Variants in RALGPS1 observed in about 807,000 individuals in gnomAD.
The protein encoded by RALGPS1 is ras-specific guanine nucleotide-releasing factor RalGPS1.
RALGPS1 carries 19 observed loss-of-function variants against 78.8 expected under a neutral mutation model. The observed-to-expected ratio is 0.24, with a 90% CI of 0.17 to 0.35. The LOEUF (loss-of-function observed/expected upper bound fraction) is 0.35. Ranked by LOEUF, RALGPS1 falls within the 10% of genes least tolerant of loss-of-function variation. The pLI is 1.00. For synonymous variants in RALGPS1, 228 were observed against 256.3 expected (o/e 0.89, Z 1.06); for missense variants, 454 against 688.3 (o/e 0.66, Z 3.81).
chr9:127,024,867 C>T (rs954371271), intron 4 of RALGPS1, among the ~76,000 whole-genome samples: 1 of 152,128 alleles, frequency 6.6e-6, no homozygotes, highest in East Asian at 1.9e-4. Flanking sequence ...TTTATAGGAC[C>T]TTCCTTTGCA....
At position 127,214,744 on chromosome 9, in the gene RALGPS1, C is replaced by T; in HGVS notation, c.1553-7C>T. 1 of 1,604,430 alleles carries T rather than the reference C, an allele frequency of 6.2e-7. No homozygotes were observed. ...TCTTCTTAACTCATGGTTTCTCTAC[C>T]CATCAGGCAATGTTTACAAGTTTCA... On this transcript the variant is annotated splice_region_variant and splice_polypyrimidine_tract_variant and intron_variant, in intron 17 of 18. Transcript: ENST00000259351.
intron 8 of RALGPS1, among the ~76,000 whole-genome samples, chr9:127,120,481 G>A (rs907361787): frequency 2.0e-5 from 3 of 152,188 alleles, no homozygotes; most frequent in Admixed American, 1.3e-4. Context: ...TCTCTGTCTC[G>A]TGGGATTTTC....
At chr9:126,956,538 T>C (rs2038356268) in intron 1 of RALGPS1, among the ~76,000 whole-genome samples, 1 of 152,074 alleles carries the variant, frequency 6.6e-6, no homozygotes, top group Non-Finnish European at 1.5e-5. Context: ...GTATAAAGCA[T>C]AATGGGTAAC....
At chr9:127,058,567 G>A (rs1323584416) in intron 7 of RALGPS1, among the ~76,000 whole-genome samples, 1 of 152,116 alleles carries the variant, frequency 6.6e-6, no homozygotes, top group African/African-American at 2.4e-5. Context: ...ATGAGATGTC[G>A]AGATGAAGAG....
At chr9:127,184,318 T>TA in intron 11 of RALGPS1, 27 of 294,446 alleles carry the variant, frequency 9.2e-5, no homozygotes, top group Non-Finnish European at 1.2e-4. Context: ...AGACCTTGTC[T>TA]CAGGAAAAAA....
chr9:126,952,654 AGAGT>A (rs58186926), intron 1 of RALGPS1, among the ~76,000 whole-genome samples: 1 of 138,004 alleles, frequency 7.2e-6, no homozygotes, highest in Non-Finnish European at 1.6e-5. Context: ...AGAGAGAGAG[AGAGT>A]GTGTGTGTGT....
At chr9:127,027,950 G>A (rs1314279215) in intron 4 of RALGPS1, among the ~76,000 whole-genome samples, 3 of 152,218 alleles carry the variant, frequency 2.0e-5, no homozygotes, top group Non-Finnish European at 2.9e-5. Context: ...GTTACAGCAT[G>A]TAAGTCCCCT....
intron 8 of RALGPS1, among the ~76,000 whole-genome samples, chr9:127,164,483 C>T (rs2059186090): frequency 6.6e-6 from 1 of 150,694 alleles, no homozygotes; most frequent in African/African-American, 2.4e-5. Flanking sequence ...GATCTGCCTG[C>T]CTTGGCCTCC....
In RALGPS1 at chr9:126,966,237, G is replaced by T. The variant is rs554337508; in HGVS notation, c.165+286G>T. Among the ~76,000 whole-genome samples, 3 of 152,282 alleles carry T rather than the reference G, an allele frequency of 2.0e-5. No individual in the cohort carries two copies. The South Asian group carries it at 6.2e-4, about 32-fold the overall frequency. On this transcript the variant is annotated intron_variant, in intron 3 of 18. Coordinates refer to ENST00000259351, the MANE Select transcript of RALGPS1 (RefSeq NM_014636.3). Reference sequence around the variant, plus strand: ...GTGCAATTTAAAAAATTCATGTACAGACTGGGCAAGGTGGCTCACGCCTAT... The same window carrying T: ...GTGCAATTTAAAAAATTCATGTACATACTGGGCAAGGTGGCTCACGCCTAT...
chr9:127,071,037 C>CTATATATA lies in RALGPS1; in HGVS notation c.610+1682_610+1683insATATATAT, dbSNP rs147935879. On this transcript the variant is annotated intron_variant, in intron 8 of 18. Coordinates refer to ENST00000259351, the MANE Select transcript of RALGPS1 (RefSeq NM_014636.3). The stretch of plus-strand genomic sequence containing the variant: ...TATAAATTTGAATCTCTCTCTCTCT[C>CTATATATA]TCTATATATATATACACTAAATACT... Among the ~76,000 whole-genome samples the CTATATATA allele has an allele frequency of 5.4e-5, 8 of 147,722 alleles. 1 individual carries two copies. Among genetic ancestry groups the CTATATATA allele is most frequent in the South Asian group, 2.1e-4 (1 of 4,682 alleles).
intron 8 of RALGPS1, among the ~76,000 whole-genome samples, chr9:127,119,680 G>T (rs564401614): frequency 6.6e-6 from 1 of 152,356 alleles, no homozygotes; most frequent in South Asian, 2.1e-4. Context: ...TGGAGGGCCA[G>T]ATGGAGGAAC....
chr9:127,082,480 T>C (rs2051276757), intron 8 of RALGPS1, among the ~76,000 whole-genome samples: 1 of 152,138 alleles, frequency 6.6e-6, no homozygotes, highest in Non-Finnish European at 1.5e-5. Context: ...ACCTGACATA[T>C]CCACTCCTGC....
rs531870160 is a variant in RALGPS1 at position 127,006,017 on chromosome 9, A to G, written c.216+28272A>G. On this transcript the variant is annotated intron_variant, in intron 4 of 18. Coordinates refer to ENST00000259351, the MANE Select transcript of RALGPS1 (RefSeq NM_014636.3). Reference sequence around the variant, plus strand: ...TTTCGATAAAATCCAACATCTCTTCATGCTAAAAACACTCAACAAACTGGG... The same window carrying G: ...TTTCGATAAAATCCAACATCTCTTCGTGCTAAAAACACTCAACAAACTGGG... Among the ~76,000 whole-genome samples, 4 of 152,314 alleles carry G rather than the reference A, an allele frequency of 2.6e-5. No homozygotes were observed. The South Asian group carries it at 8.3e-4, about 32-fold the overall frequency.
chr9:127,041,063 G>GTGTGTGTGTGTGTA (rs1004091757), intron 5 of RALGPS1, among the ~76,000 whole-genome samples: 1 of 151,318 alleles, frequency 6.6e-6, no homozygotes, highest in Non-Finnish European at 1.5e-5. Context: ...GTGTGTGTGT[G>GTGTGTGTGTGTGTA]TGTATGTACT....
intron 1 of RALGPS1, among the ~76,000 whole-genome samples, chr9:126,916,476 C>G (rs2034172095): frequency 6.6e-6 from 1 of 152,104 alleles, no homozygotes; most frequent in Non-Finnish European, 1.5e-5. Flanking sequence ...AGTACAGACC[C>G]CGATTTTACC....
At chr9:127,210,997 G>C (rs2062221816) in intron 14 of RALGPS1, among the ~76,000 whole-genome samples, 1 of 152,208 alleles carries the variant, frequency 6.6e-6, no homozygotes, top group Admixed American at 6.5e-5. Context: ...AGGCCTCCCT[G>C]AAGAAGAGAC....
At chr9:127,143,153 C>A (rs1445910076) in intron 8 of RALGPS1, among the ~76,000 whole-genome samples, 1 of 152,168 alleles carries the variant, frequency 6.6e-6, no homozygotes. Context: ...GATTTCCCTG[C>A]AATAAATACC....
At chr9:127,135,289 A>T (rs913739423) in intron 8 of RALGPS1, among the ~76,000 whole-genome samples, 3 of 152,190 alleles carry the variant, frequency 2.0e-5, no homozygotes, top group Admixed American at 6.5e-5. Flanking sequence ...ATCTGGGAAG[A>T]AGTGGGCTCC....
chr9:126,946,346 C>G (rs2037263763), intron 1 of RALGPS1, among the ~76,000 whole-genome samples: 1 of 152,024 alleles, frequency 6.6e-6, no homozygotes, highest in South Asian at 2.1e-4. Flanking sequence ...CCATCCTGGC[C>G]AATGTGGCGA....
Sources: allele counts gnomAD v4.1 joint callset (sites outside exome capture counted in the v4.1 genomes callset), GRCh38; gene constraint gnomAD v4.1.1; transcripts MANE v1.5; gene names NCBI Gene and HGNC (gene_info 2026-07-23, HGNC 2026-07-21).